VAV3: variants seen among roughly 807,000 people sequenced by gnomAD.
VAV3 encodes guanine nucleotide exchange factor VAV3.
VAV3 carries 94 observed loss-of-function variants against 131.2 expected under a neutral mutation model. The ratio of observed to expected loss-of-function variants is 0.72; its 90% CI spans 0.61 to 0.85. The LOEUF is 0.85. VAV3 is among the 40% of genes least tolerant of loss of function. The probability of loss-of-function intolerance (pLI) is 0.00; values close to 1 mark genes in which losing one functional copy is unlikely to be tolerated. For missense variants in VAV3, 939 were observed against 1,002.7 expected, an observed-to-expected ratio of 0.94 and a Z score of 0.86; for synonymous variants, 349 against 342.0, an observed-to-expected ratio of 1.02 and a Z score of -0.22.
chr1:107,741,135 T>C (rs1457507964), intron 15 of VAV3, among the ~76,000 whole-genome samples: 1 of 152,240 alleles, frequency 6.6e-6, no homozygotes, highest in Non-Finnish European at 1.5e-5. Context: ...TTCATGCAGA[T>C]ACTGTAGGCA....
chr1:107,943,415 C>T (rs1036787866), intron 1 of VAV3, among the ~76,000 whole-genome samples: 2 of 152,088 alleles, frequency 1.3e-5, no homozygotes, highest in African/African-American at 4.8e-5. Flanking sequence ...GTGGTGAAGC[C>T]AATTTATCAT....
rs1015376276 is a variant in VAV3 at position 107,649,125 on chromosome 1, C to T, written c.1778-6370G>A. 2.0e-5 allele frequency among the ~76,000 whole-genome samples: 3 copies of T among 152,014 alleles called. No individual in the cohort carries two copies. The East Asian group carries it at 5.8e-4, about 29-fold the overall frequency. ...TCTGTAGAACTCTTAGAGCCTGACACGTCTGTATGCAGCTCTGTGGACGTG... is the reference window on the plus strand; with the variant it reads ...TCTGTAGAACTCTTAGAGCCTGACATGTCTGTATGCAGCTCTGTGGACGTG... On this transcript the variant is annotated intron_variant, in intron 19 of 26. Coordinates refer to ENST00000370056, the MANE Select transcript of VAV3 (RefSeq NM_006113.5).
At chr1:107,583,806 A>G (rs1650269384) in intron 25 of VAV3, among the ~76,000 whole-genome samples, 1 of 152,236 alleles carries the variant, frequency 6.6e-6, no homozygotes, top group Non-Finnish European at 1.5e-5. Context: ...GGAAGAATCA[A>G]TATCGCGAAA....
At chr1:107,668,756 G>C (rs1657580347) in intron 19 of VAV3, 10 of 983,782 alleles carry the variant, frequency 1.0e-5, no homozygotes, top group Non-Finnish European at 1.2e-5. Context: ...ATGAATGTAG[G>C]TGTTTCAGTA....
rs1196542432 is a variant in VAV3 at position 107,815,638 on chromosome 1, A to T, written c.322-36146T>A. On this transcript the variant is annotated intron_variant, in intron 2 of 26. Coordinates refer to ENST00000370056, the MANE Select transcript of VAV3 (RefSeq NM_006113.5). ...AGAGATGCTAATGAGAATGGCTTAT[A>T]AAACAGTAGTAAACTGCTTCTTTAA... is the stretch of plus-strand genomic sequence containing the variant. 3.9e-5 allele frequency among the ~76,000 whole-genome samples: 6 copies of T among 152,366 alleles called. No individual in the cohort carries two copies. The East Asian group carries it at 1.2e-3, about 29-fold the overall frequency.
At chr1:107,937,915 G>A (rs927649614) in intron 1 of VAV3, among the ~76,000 whole-genome samples, 2 of 151,980 alleles carry the variant, frequency 1.3e-5, no homozygotes, top group Non-Finnish European at 1.5e-5. Context: ...AATAAATAAG[G>A]CTCTTGTGAT....
At chr1:107,700,771 G>A (rs1660071002) in intron 17 of VAV3, among the ~76,000 whole-genome samples, 1 of 152,190 alleles carries the variant, frequency 6.6e-6, no homozygotes, top group Non-Finnish European at 1.5e-5. Flanking sequence ...ACGCATGCAT[G>A]TATCTTTATA....
At chr1:107,801,535 A>T (rs1036582706) in intron 2 of VAV3, among the ~76,000 whole-genome samples, 1 of 152,144 alleles carries the variant, frequency 6.6e-6, no homozygotes, top group Non-Finnish European at 1.5e-5. Flanking sequence ...ACTTAGAAGT[A>T]TGCACCTGTA....
intron 20 of VAV3, among the ~76,000 whole-genome samples, chr1:107,626,600 T>C (rs771132157): frequency 6.6e-6 from 1 of 152,148 alleles, no homozygotes; most frequent in African/African-American, 2.4e-5. Context: ...AAATCAGTGG[T>C]AAGAGGCAGT....
At chr1:107,851,103 C>T (rs977758183) in intron 2 of VAV3, among the ~76,000 whole-genome samples, 8 of 148,296 alleles carry the variant, frequency 5.4e-5, no homozygotes, top group Non-Finnish European at 8.9e-5. Flanking sequence ...GCCGGCCCTC[C>T]GGAGCTTGCA....
intron 2 of VAV3, among the ~76,000 whole-genome samples, chr1:107,832,851 CAT>C (rs1464853199): frequency 6.6e-6 from 1 of 152,184 alleles, no homozygotes; most frequent in Non-Finnish European, 1.5e-5. Context: ...GAGCAAATAA[CAT>C]ACACACATTG....
intron 13 of VAV3, 33 bp downstream of exon 13, chr1:107,751,084 C>T (rs910085759): frequency 6.3e-7 from 1 of 1,586,888 alleles, no homozygotes; most frequent in South Asian, 1.1e-5. Context: ...ACACTAATTA[C>T]TTATTTTGAA....
intron 1 of VAV3, among the ~76,000 whole-genome samples, chr1:107,881,390 T>C (rs766907357): frequency 6.6e-6 from 1 of 152,206 alleles, no homozygotes; most frequent in East Asian, 1.9e-4. Context: ...ACTGGAAGGA[T>C]AGCAGGGCAT....
At chr1:107,923,170 T>A (rs1672995429) in intron 1 of VAV3, among the ~76,000 whole-genome samples, 1 of 152,132 alleles carries the variant, frequency 6.6e-6, no homozygotes, top group African/African-American at 2.4e-5. Context: ...TTAAATTGCC[T>A]TTTCTAAAAC....
intron 2 of VAV3, among the ~76,000 whole-genome samples, 171 bp downstream of exon 2, chr1:107,874,730 T>TTTG (rs559341966): frequency 0.86 from 130,190 of 151,686 alleles, 56,102 homozygotes; most frequent in African/African-American, 0.94. Context: ...GGGTTTCTTT[T>TTTG]TTGTTGTTGT....
chr1:107,603,109 T>C lies in VAV3; in HGVS notation c.2070A>G (p.Val690=). 1 of 1,613,756 alleles carries C rather than the reference T, an allele frequency of 6.2e-7. No homozygotes were observed. The highest frequency in any genetic ancestry group is 8.5e-7 in the Non-Finnish European group (1 of 1,179,836). The part of the protein sequence containing the change: ...LQAETELINR[V]NSTYLVRHRT... ...TGTGCCTCACAAGGTAAGTACTATT[T>C]ACCCTATTAATAAGTTCGGTCTCTG... Residue 690 remains valine, a synonymous_variant, in exon 23 of 27, where the codon GTA becomes GTG. Transcript: ENST00000370056.
intron 17 of VAV3, among the ~76,000 whole-genome samples, chr1:107,691,728 CA>C (rs1396435325): frequency 2.0e-5 from 3 of 152,080 alleles, no homozygotes; most frequent in African/African-American, 7.2e-5. Flanking sequence ...CATGGGCCCT[CA>C]AGGGGTTTAT....
intron 19 of VAV3, among the ~76,000 whole-genome samples, chr1:107,659,026 T>C (rs1656804326): frequency 1.3e-5 from 2 of 152,208 alleles, no homozygotes; most frequent in African/African-American, 4.8e-5. Context: ...TCCTTGCCCA[T>C]GCCTATGTCC....
chr1:107,729,462 T>TA lies in VAV3; in HGVS notation c.1502+19505dup, dbSNP rs200408211. Among the ~76,000 whole-genome samples the TA allele has an allele frequency of 4.1e-3, 625 of 151,296 alleles. 4 individuals carry two copies. The highest frequency in any genetic ancestry group is 0.014 in the East Asian group (70 of 5,166). ...GGTTAGGAGATAGAAAACCTGAGTT[T>TA]AAAAAAAAACATGAGTTTTATTCCT... On this transcript the variant is annotated intron_variant, in intron 15 of 26. Coordinates refer to ENST00000370056, the MANE Select transcript of VAV3 (RefSeq NM_006113.5).
Sources: allele counts gnomAD v4.1 joint callset (sites outside exome capture counted in the v4.1 genomes callset), GRCh38; gene constraint gnomAD v4.1.1; transcripts MANE v1.5; gene names NCBI Gene and HGNC (gene_info 2026-07-23, HGNC 2026-07-21).